RAB22A: variants seen among roughly 807,000 people sequenced by gnomAD.
RAB22A encodes the protein RAB22A, member RAS oncogene family.
Under a neutral mutation model 30.2 loss-of-function variants are expected in RAB22A, and 13 were observed. The ratio of observed to expected loss-of-function variants is 0.43; its 90% CI spans 0.28 to 0.68. The LOEUF is 0.68. Among genes scored for constraint, RAB22A ranks in the 30% least tolerant of loss-of-function variants. The pLI is 0.18. For missense variants in RAB22A, 177 were observed against 246.8 expected (o/e 0.72, Z 1.89); for synonymous variants, 89 against 87.2 (o/e 1.02, Z -0.11).
At chr20:58,343,822 C>A in intron 3 of RAB22A, 23 bp downstream of exon 3, 1 of 1,555,262 alleles carries the variant, frequency 6.4e-7, no homozygotes, top group South Asian at 1.1e-5. Flanking sequence ...TTAATTTACT[C>A]TGTTTTTCTG....
intron 2 of RAB22A, among the ~76,000 whole-genome samples, chr20:58,313,551 G>A (rs1247545246): frequency 1.3e-5 from 2 of 152,064 alleles, no homozygotes; most frequent in African/African-American, 2.4e-5. Flanking sequence ...ACTCCTGAAA[G>A]AGAAGTTACC....
intron 2 of RAB22A, among the ~76,000 whole-genome samples, chr20:58,327,989 A>T (rs1005477987): frequency 6.6e-6 from 1 of 152,200 alleles, no homozygotes; most frequent in Non-Finnish European, 1.5e-5. Context: ...GCAGAACGCA[A>T]ATGGGTTCTG....
At chr20:58,338,625 T>C (rs1986800997) in intron 2 of RAB22A, among the ~76,000 whole-genome samples, 1 of 152,222 alleles carries the variant, frequency 6.6e-6, no homozygotes, top group Admixed American at 6.5e-5. Context: ...ACTTGAGACT[T>C]CCGGCTTCTT....
chr20:58,337,781 A>G (rs1220286067), intron 2 of RAB22A, among the ~76,000 whole-genome samples: 1 of 152,166 alleles, frequency 6.6e-6, no homozygotes, highest in African/African-American at 2.4e-5. Context: ...ACCTCTCACC[A>G]GCCCTGTCTA....
intron 3 of RAB22A, among the ~76,000 whole-genome samples, chr20:58,344,337 G>A (rs73915839): frequency 0.031 from 4,687 of 152,236 alleles, 243 homozygotes; most frequent in African/African-American, 0.11. Context: ...CCAGAAGCGG[G>A]GCCTGAACAT....
intron 2 of RAB22A, among the ~76,000 whole-genome samples, chr20:58,336,002 C>CTTTGTTTG (rs546838578): frequency 2.0e-5 from 3 of 151,936 alleles, no homozygotes; most frequent in South Asian, 2.1e-4. Flanking sequence ...TGTTTGTTTT[C>CTTTGTTTG]TTTGTTTGTT....
At chr20:58,353,165 T>C (rs1265506470) in intron 3 of RAB22A, 108 bp from the exon 4 acceptor site, 7 of 1,068,108 alleles carry the variant, frequency 6.6e-6, no homozygotes, top group Non-Finnish European at 9.6e-6. Flanking sequence ...TTTTCTTGGC[T>C]TAAGAGAAAG....
At chr20:58,348,893 G>C (rs1288518977) in intron 3 of RAB22A, among the ~76,000 whole-genome samples, 1 of 152,224 alleles carries the variant, frequency 6.6e-6, no homozygotes, top group African/African-American at 2.4e-5. Context: ...ACAGGCCGCA[G>C]GTTAGACAAG....
At chr20:58,313,851 G>C (rs1986280366) in intron 2 of RAB22A, among the ~76,000 whole-genome samples, 1 of 152,038 alleles carries the variant, frequency 6.6e-6, no homozygotes, top group Non-Finnish European at 1.5e-5. Flanking sequence ...TTACTGTCTT[G>C]CTGCTTTGGG....
chr20:58,343,594 A>G (rs1986894701), intron 2 of RAB22A, 124 bp from the exon 3 acceptor site: 2 of 663,056 alleles, frequency 3.0e-6, no homozygotes. Flanking sequence ...AGAGAGGAAC[A>G]CAATTAGGAT....
chr20:58,325,745 G>A (rs959758095), intron 2 of RAB22A, among the ~76,000 whole-genome samples: 2 of 152,182 alleles, frequency 1.3e-5, no homozygotes, highest in African/African-American at 4.8e-5. Context: ...GGTACTGTTT[G>A]CTATGTGGAT....
intron 3 of RAB22A, among the ~76,000 whole-genome samples, chr20:58,347,832 A>G (rs539872934): frequency 7.2e-5 from 11 of 152,370 alleles, no homozygotes; most frequent in Middle Eastern, 3.4e-3. Flanking sequence ...CTGCAGTAGC[A>G]TTGAGACAGA....
chr20:58,336,303 C>T (rs1336251556), intron 2 of RAB22A, among the ~76,000 whole-genome samples: 1 of 150,768 alleles, frequency 6.6e-6, no homozygotes, highest in Non-Finnish European at 1.5e-5. Context: ...TGAGCCACGG[C>T]GCCCGGCCGC....
rs1568684615 is a variant in RAB22A, at chr20:58,362,849, A to G, written c.*3146A>G. Reference sequence around the variant, plus strand: ...TGTACGCACTTTCTGGATGTCTGGAAGGATCGGGACTTTTGTGTGAGAGGC... The same window carrying G: ...TGTACGCACTTTCTGGATGTCTGGAGGGATCGGGACTTTTGTGTGAGAGGC... On this transcript the variant is annotated 3_prime_UTR_variant, in exon 7 of 7. Transcript: ENST00000244040. 6.6e-6 allele frequency: 1 copy of G among 152,194 alleles called. No individual in the cohort carries two copies. The highest frequency in any genetic ancestry group is 1.5e-5 in the Non-Finnish European group (1 of 68,034). The allele number at this position is 152,194 out of a possible 1,614,324, so 9.4% of individuals were successfully genotyped here.
rs905039950 is a variant in RAB22A, at chr20:58,361,472, T to C, written c.*1769T>C. The C allele has an allele frequency of 2.6e-5, 4 of 152,342 alleles. No individual in the cohort carries two copies. The highest frequency in any genetic ancestry group is 2.0e-4 in the Admixed American group (3 of 15,298). 9.4% of individuals were successfully genotyped at this position (152,342 alleles called of 1,614,324 possible). On this transcript the variant is annotated 3_prime_UTR_variant, in exon 7 of 7. Coordinates refer to ENST00000244040, the MANE Select transcript of RAB22A (RefSeq NM_020673.3). ...CATTAGTAAAAATTCTAACTTCGTT[T>C]TGTTTAAAAGACATGTGGATGCTCC...
At position 58,310,022 on chromosome 20, in the gene RAB22A, G is replaced by A. The variant is rs1163159685; in HGVS notation, c.36+10G>A. ...AGTGTGTCTGCTCGGGGTGAGTGGC[G>A]GCGGGTCCGGCCGGGAGGGCCACGG... On this transcript the variant is annotated intron_variant, in intron 1 of 6. Coordinates refer to ENST00000244040, the MANE Select transcript of RAB22A (RefSeq NM_020673.3). The A allele has an allele frequency of 1.0e-5, 13 of 1,270,448 alleles. No homozygotes were observed. The highest frequency in any genetic ancestry group is 3.4e-5 in the South Asian group (1 of 29,254). The allele number at this position is 1,270,448 out of a possible 1,614,324, so 78.7% of individuals were successfully genotyped here.
At chr20:58,319,300 A>C (rs1011978700) in intron 2 of RAB22A, among the ~76,000 whole-genome samples, 1 of 152,226 alleles carries the variant, frequency 6.6e-6, no homozygotes, top group Non-Finnish European at 1.5e-5. Context: ...AGTTGATCAA[A>C]ATTAAACATT....
intron 6 of RAB22A, among the ~76,000 whole-genome samples, chr20:58,357,374 A>G (rs748570430): frequency 6.6e-6 from 1 of 152,116 alleles, no homozygotes; most frequent in South Asian, 2.1e-4. Flanking sequence ...CTTATTGACT[A>G]TGTATATTGG....
intron 2 of RAB22A, among the ~76,000 whole-genome samples, chr20:58,327,450 G>A (rs935236970): frequency 2.0e-5 from 3 of 152,216 alleles, no homozygotes; most frequent in African/African-American, 7.2e-5. Flanking sequence ...TTGGCTGGAG[G>A]CCTCAGTTCC....
Sources: gnomAD v4.1 joint callset for allele counts (sites outside exome capture counted in the v4.1 genomes callset) on GRCh38, gnomAD v4.1.1 for gene constraint, MANE v1.5 for transcripts, NCBI Gene and HGNC (gene_info 2026-07-23, HGNC 2026-07-21) for gene names.